SUGCT: variants seen among roughly 807,000 people sequenced by gnomAD.
SUGCT encodes the protein succinyl-CoA:glutarate CoA-transferase.
A neutral mutation model predicts 55.0 loss-of-function variants in SUGCT; 41 were observed. That is an observed-to-expected ratio of 0.74 (90% CI 0.58 to 0.97). SUGCT has a LOEUF of 0.97. Ranked by LOEUF, SUGCT falls within the 50% of genes least tolerant of loss-of-function variation. The pLI is 0.00. For synonymous variants in SUGCT, 187 were observed against 200.4 expected (o/e 0.93, Z 0.56); for missense variants, 568 against 547.8 (o/e 1.04, Z -0.37).
chr7:40,956,755 A>G, the SUGCT span, among the ~76,000 whole-genome samples: 17 of 152,196 alleles, frequency 1.1e-4, no homozygotes, highest in Non-Finnish European at 1.9e-4. Flanking sequence ...ATGGGCATTT[A>G]GTGCTATAAA....
chr7:40,180,317 C>G (rs1021738049), intron 1 of SUGCT, among the ~76,000 whole-genome samples: 1 of 151,772 alleles, frequency 6.6e-6, no homozygotes, highest in Non-Finnish European at 1.5e-5. Flanking sequence ...TGGGATTTAC[C>G]AAGTTGGCCA....
chr7:40,178,451 G>A (rs1022973824), intron 1 of SUGCT, among the ~76,000 whole-genome samples: 1 of 152,046 alleles, frequency 6.6e-6, no homozygotes, highest in Non-Finnish European at 1.5e-5. Flanking sequence ...AAACCTGTGT[G>A]ACTAAAAATA....
intron 12 of SUGCT, among the ~76,000 whole-genome samples, chr7:40,653,040 C>G (rs1800854982): frequency 6.6e-6 from 1 of 152,166 alleles, no homozygotes; most frequent in South Asian, 2.1e-4. Context: ...CTTTTTAGGA[C>G]TCAGCTTCAG....
the SUGCT span, among the ~76,000 whole-genome samples, chr7:40,880,854 C>T: frequency 6.6e-6 from 1 of 152,052 alleles, no homozygotes; most frequent in African/African-American, 2.4e-5. Context: ...TTCCATCTGG[C>T]CTAGAAGAGA....
chr7:40,961,733 C>T, the SUGCT span, among the ~76,000 whole-genome samples: 4 of 152,162 alleles, frequency 2.6e-5, no homozygotes. Context: ...TCCAGAGTTT[C>T]TTCCTTCCAG....
chr7:40,237,783 T>C, intron 7 of SUGCT, 57 bp downstream of exon 7: 1 of 1,444,512 alleles, frequency 6.9e-7, no homozygotes, highest in Non-Finnish European at 9.7e-7. Flanking sequence ...TCCAAAAGGA[T>C]TTTACTCTGC....
chr7:40,999,163 G>A, the SUGCT span, among the ~76,000 whole-genome samples: 1 of 151,704 alleles, frequency 6.6e-6, no homozygotes. Context: ...TAGGTGAGAG[G>A]ACGTCTGTAG....
intron 9 of SUGCT, among the ~76,000 whole-genome samples, chr7:40,324,252 A>AATATATATATATAT (rs61431155): frequency 5.1e-5 from 6 of 117,648 alleles, no homozygotes; most frequent in African/African-American, 2.1e-4. Context: ...TAAATAAATA[A>AATATATATATATAT]ATATATATAT....
intron 9 of SUGCT, among the ~76,000 whole-genome samples, chr7:40,440,148 T>G (rs1182552181): frequency 3.6e-3 from 17 of 4,760 alleles, no homozygotes; most frequent in South Asian, 0.025. Context: ...TGTGTGTGTT[T>G]TTTTTTTTTT....
chr7:40,986,941 T>A, the SUGCT span, among the ~76,000 whole-genome samples: 1 of 152,350 alleles, frequency 6.6e-6, no homozygotes, highest in South Asian at 2.1e-4. Context: ...TATCCACAAA[T>A]GTTATCACTT....
intron 12 of SUGCT, among the ~76,000 whole-genome samples, chr7:40,639,287 C>A (rs575471450): frequency 1.9e-4 from 29 of 152,090 alleles, no homozygotes; most frequent in South Asian, 4.2e-4. Flanking sequence ...CCCAGTATAG[C>A]GCCCAGCAAA....
intron 12 of SUGCT, among the ~76,000 whole-genome samples, chr7:40,612,310 A>T (rs962074647): frequency 7.2e-5 from 11 of 152,214 alleles, no homozygotes; most frequent in Admixed American, 2.6e-4. Context: ...AATGCTGATC[A>T]TTATGATCCA....
intron 7 of SUGCT, among the ~76,000 whole-genome samples, chr7:40,250,364 C>G (rs1311608612): frequency 6.7e-6 from 1 of 150,024 alleles, no homozygotes; most frequent in Non-Finnish European, 1.5e-5. Context: ...AGTGCTACTG[C>G]CCTCCAGCCT....
chr7:40,232,681 C>G (rs928468892), intron 6 of SUGCT, among the ~76,000 whole-genome samples: 1 of 152,130 alleles, frequency 6.6e-6, no homozygotes, highest in African/African-American at 2.4e-5. Context: ...TTTTTACCAA[C>G]GTCTAGAAAT....
chr7:40,895,978 A>G, the SUGCT span, among the ~76,000 whole-genome samples: 2 of 152,216 alleles, frequency 1.3e-5, no homozygotes, highest in African/African-American at 4.8e-5. Context: ...TGTATTTAAT[A>G]TAGTACTAGA....
chr7:40,369,358 T>A (rs1217215596), intron 9 of SUGCT, among the ~76,000 whole-genome samples: 4 of 152,170 alleles, frequency 2.6e-5, no homozygotes, highest in Admixed American at 2.0e-4. Context: ...ACTTCTAAAT[T>A]GAGTTTTTCT....
chr7:40,216,277 G>A (rs563224944), intron 6 of SUGCT, among the ~76,000 whole-genome samples: 14 of 151,994 alleles, frequency 9.2e-5, no homozygotes, highest in South Asian at 2.1e-4. Context: ...TGAGGCAGGC[G>A]GATCACCTGA....
At chr7:40,465,363 G>A (rs1368336206) in intron 11 of SUGCT, among the ~76,000 whole-genome samples, 2 of 152,030 alleles carry the variant, frequency 1.3e-5, no homozygotes, top group Non-Finnish European at 1.5e-5. Context: ...TAATCCTAGC[G>A]CTCTGGGAGG....
At chr7:40,398,692 T>C (rs1785889743) in intron 9 of SUGCT, among the ~76,000 whole-genome samples, 2 of 152,124 alleles carry the variant, frequency 1.3e-5, no homozygotes, top group Non-Finnish European at 2.9e-5. Flanking sequence ...ATCTTTTTAT[T>C]AGTGATATCA....
Sources: allele counts gnomAD v4.1 joint callset (sites outside exome capture counted in the v4.1 genomes callset), GRCh38; gene constraint gnomAD v4.1.1; transcripts MANE v1.5; gene names NCBI Gene and HGNC (gene_info 2026-07-23, HGNC 2026-07-21).